The following LINGO2 variants were observed in gnomAD, a reference collection of about 807,000 sequenced individuals.
LINGO2 encodes leucine rich repeat and Ig domain containing 2, also known as leucine-rich repeat and immunoglobulin-like domain-containing nogo receptor-interacting protein 2.
LINGO2 carries 14 observed loss-of-function variants against 30.6 expected under a neutral mutation model. The ratio of observed to expected loss-of-function variants is 0.46; its 90% CI spans 0.30 to 0.72. LINGO2 has a LOEUF of 0.72. Among genes scored for constraint, LINGO2 ranks in the 30% least tolerant of loss-of-function variants. The pLI is 0.07. For missense variants in LINGO2, 729 were observed against 751.7 expected, an observed-to-expected ratio of 0.97 and a Z score of 0.35; for synonymous variants, 317 against 288.5, an observed-to-expected ratio of 1.10 and a Z score of -1.00.
chr9:28,769,489 T>C, the LINGO2 span, among the ~76,000 whole-genome samples: 6 of 6,192 alleles, frequency 9.7e-4, 1 homozygote, highest in African/African-American at 3.5e-3. Context: ...TATATATATA[T>C]ATATATATAT....
intron 4 of LINGO2, among the ~76,000 whole-genome samples, chr9:28,199,106 C>G (rs55681382): frequency 0.051 from 7,745 of 152,222 alleles, 264 homozygotes; most frequent in African/African-American, 0.091. Context: ...ATACATGTAT[C>G]ATAGTTCTTA....
At chr9:28,418,369 C>A (rs191987856) in intron 2 of LINGO2, among the ~76,000 whole-genome samples, 1 of 148,618 alleles carries the variant, frequency 6.7e-6, no homozygotes, top group Non-Finnish European at 1.5e-5. Context: ...ACCTCTGTCT[C>A]CCATGTTCAA....
intron 4 of LINGO2, among the ~76,000 whole-genome samples, chr9:28,127,369 G>C (rs1827265922): frequency 6.6e-6 from 1 of 152,200 alleles, no homozygotes; most frequent in African/African-American, 2.4e-5. Flanking sequence ...TGGAGGATGA[G>C]AGACTACATC....
At chr9:28,028,388 G>C (rs997067248) in intron 4 of LINGO2, among the ~76,000 whole-genome samples, 1 of 152,124 alleles carries the variant, frequency 6.6e-6, no homozygotes, top group Admixed American at 6.5e-5. Flanking sequence ...GTTACATCAT[G>C]ATGAGCTGGT....
the LINGO2 span, among the ~76,000 whole-genome samples, chr9:28,871,310 G>T: frequency 6.6e-6 from 1 of 151,088 alleles, no homozygotes; most frequent in African/African-American, 2.4e-5. Flanking sequence ...TTAAACAATA[G>T]AACAATATTC....
the LINGO2 span, among the ~76,000 whole-genome samples, chr9:28,898,135 T>G: frequency 6.6e-6 from 1 of 152,180 alleles, no homozygotes; most frequent in African/African-American, 2.4e-5. Flanking sequence ...GACTAATATT[T>G]AAAATTACAT....
chr9:28,517,052 G>A (rs1820645389), intron 1 of LINGO2, among the ~76,000 whole-genome samples: 1 of 152,152 alleles, frequency 6.6e-6, no homozygotes, highest in Non-Finnish European at 1.5e-5. Flanking sequence ...TATCACTTAG[G>A]CCCTTCGTGC....
chr9:28,397,355 GTA>G (rs3069833), intron 2 of LINGO2, among the ~76,000 whole-genome samples: 5,331 of 129,088 alleles, frequency 0.041, 323 homozygotes, highest in East Asian at 0.3. Flanking sequence ...ATGTTTTGAA[GTA>G]TATATATATA....
chr9:28,645,739 T>G (rs1361304760), intron 1 of LINGO2, among the ~76,000 whole-genome samples: 1 of 152,118 alleles, frequency 6.6e-6, no homozygotes, highest in Non-Finnish European at 1.5e-5. Flanking sequence ...TAGCCCTATC[T>G]ACTGAAAATG....
At chr9:28,892,557 CA>C in the LINGO2 span, among the ~76,000 whole-genome samples, 7 of 151,906 alleles carry the variant, frequency 4.6e-5, no homozygotes, top group East Asian at 1.9e-4. Flanking sequence ...AACTTAAAAT[CA>C]AAAGCAACTT....
chr9:28,302,125 A>G (rs1234946504), intron 3 of LINGO2, among the ~76,000 whole-genome samples: 1 of 152,204 alleles, frequency 6.6e-6, no homozygotes. Context: ...ATAAAAACAC[A>G]GTAAATACAC....
intron 2 of LINGO2, among the ~76,000 whole-genome samples, chr9:28,421,829 A>C (rs1267955306): frequency 6.6e-6 from 1 of 152,108 alleles, no homozygotes; most frequent in Non-Finnish European, 1.5e-5. Flanking sequence ...TATAGACCAA[A>C]AAAATAGACA....
chr9:28,469,414 A>T (rs1417842949), intron 2 of LINGO2, among the ~76,000 whole-genome samples: 2 of 152,164 alleles, frequency 1.3e-5, no homozygotes, highest in African/African-American at 4.8e-5. Context: ...TTGAAGAAAT[A>T]ATGGCTGAAA....
intron 2 of LINGO2, among the ~76,000 whole-genome samples, chr9:28,425,549 C>G (rs889279752): frequency 6.6e-6 from 1 of 151,970 alleles, no homozygotes; most frequent in Non-Finnish European, 1.5e-5. Flanking sequence ...GGCCTTTTTC[C>G]TTTTATCATG....
intron 4 of LINGO2, among the ~76,000 whole-genome samples, chr9:28,194,728 C>A (rs967990521): frequency 6.6e-6 from 1 of 151,728 alleles, no homozygotes; most frequent in Non-Finnish European, 1.5e-5. Flanking sequence ...CCTGCCAATG[C>A]AAACAACTAC....
intron 1 of LINGO2, among the ~76,000 whole-genome samples, chr9:28,658,950 T>G (rs1337699447): frequency 1.3e-5 from 2 of 152,118 alleles, no homozygotes; most frequent in Non-Finnish European, 2.9e-5. Context: ...AAATGTTTCA[T>G]AAAGACAGCA....
At chr9:28,841,698 C>T in the LINGO2 span, among the ~76,000 whole-genome samples, 1 of 151,330 alleles carries the variant, frequency 6.6e-6, no homozygotes, top group Non-Finnish European at 1.5e-5. Context: ...AACAGATGAA[C>T]AGAGAAGGTA....
At chr9:29,087,302 G>A in the LINGO2 span, among the ~76,000 whole-genome samples, 1 of 152,182 alleles carries the variant, frequency 6.6e-6, no homozygotes, top group African/African-American at 2.4e-5. Context: ...TGCTTATCTT[G>A]AAGGGTTAAA....
chr9:28,238,619 C>T (rs1587297402), intron 4 of LINGO2, among the ~76,000 whole-genome samples: 1 of 151,836 alleles, frequency 6.6e-6, no homozygotes, highest in Non-Finnish European at 1.5e-5. Context: ...ACACAACATG[C>T]CAAAACCTAT....
Sources: allele counts gnomAD v4.1 joint callset (sites outside exome capture counted in the v4.1 genomes callset), GRCh38; gene constraint gnomAD v4.1.1; transcripts MANE v1.5; gene names NCBI Gene and HGNC (gene_info 2026-07-23, HGNC 2026-07-21).